GALNT11: variants seen among roughly 807,000 people sequenced by gnomAD.
The protein encoded by GALNT11 is UDP-GalNAc:polypeptide N-acetylgalactosaminyltransferase 11.
Under a neutral mutation model 72.7 loss-of-function variants are expected in GALNT11, and 47 were observed. The observed-to-expected ratio is 0.65, with a 90% CI of 0.51 to 0.82. The LOEUF is 0.82. Among genes scored for constraint, GALNT11 ranks in the 40% least tolerant of loss-of-function variants. The pLI is 0.00. For missense variants in GALNT11, 677 were observed against 778.4 expected (o/e 0.87, Z 1.55); for synonymous variants, 270 against 286.6 (o/e 0.94, Z 0.58).
intron 7 of GALNT11, 22 bp downstream of exon 7, chr7:152,110,667 CAATT>C (rs767088784): frequency 1.8e-5 from 25 of 1,385,386 alleles, no homozygotes; most frequent in Admixed American, 3.5e-5. Context: ...TTTGCATGCT[CAATT>C]AATAACTGTG....
At chr7:152,050,169 C>T (rs1246718624) in intron 1 of GALNT11, among the ~76,000 whole-genome samples, 1 of 152,030 alleles carries the variant, frequency 6.6e-6, no homozygotes, top group East Asian at 1.9e-4. Context: ...CTCCTTTTCT[C>T]AAGCAGAAGT....
At chr7:152,032,792 A>G (rs970265383) in intron 1 of GALNT11, among the ~76,000 whole-genome samples, 1 of 152,194 alleles carries the variant, frequency 6.6e-6, no homozygotes, top group African/African-American at 2.4e-5. Flanking sequence ...ATTCATGTAG[A>G]TAATAGCTCC....
chr7:152,061,643 A>T (rs2084024284), intron 1 of GALNT11, among the ~76,000 whole-genome samples: 1 of 152,134 alleles, frequency 6.6e-6, no homozygotes, highest in African/African-American at 2.4e-5. Context: ...TCTTGAATTA[A>T]TTTTTGTATA....
chr7:152,074,681 G>A (rs756009283), intron 1 of GALNT11, among the ~76,000 whole-genome samples: 2 of 152,152 alleles, frequency 1.3e-5, no homozygotes, highest in African/African-American at 2.4e-5. Context: ...GGGAGTTCTG[G>A]AATCTGGTTA....
intron 1 of GALNT11, among the ~76,000 whole-genome samples, chr7:152,035,806 C>T (rs1412567167): frequency 6.6e-6 from 1 of 152,186 alleles, no homozygotes; most frequent in African/African-American, 2.4e-5. Flanking sequence ...TGAAAGGGGT[C>T]AGATGGTACT....
chr7:152,066,523 G>A (rs2084321760), intron 1 of GALNT11, among the ~76,000 whole-genome samples: 1 of 152,180 alleles, frequency 6.6e-6, no homozygotes, highest in Non-Finnish European at 1.5e-5. Context: ...CCCGTCTTCT[G>A]CGTCACTCAC....
At chr7:152,084,490 T>A (rs941249809) in intron 1 of GALNT11, among the ~76,000 whole-genome samples, 2 of 152,210 alleles carry the variant, frequency 1.3e-5, no homozygotes, top group African/African-American at 4.8e-5. Flanking sequence ...TCAAATTTAT[T>A]GTTAAGAAAT....
chr7:152,049,745 G>C (rs1026233038), intron 1 of GALNT11, among the ~76,000 whole-genome samples: 1 of 152,118 alleles, frequency 6.6e-6, no homozygotes, highest in Non-Finnish European at 1.5e-5. Context: ...AGGTCCAGTG[G>C]TGCCATCCTG....
At chr7:152,030,267 C>T (rs2082244470) in intron 1 of GALNT11, among the ~76,000 whole-genome samples, 1 of 152,136 alleles carries the variant, frequency 6.6e-6, no homozygotes, top group Admixed American at 6.5e-5. Flanking sequence ...TCACGGGACG[C>T]TGGTGTTACC....
chr7:152,033,490 T>G (rs1030513849), intron 1 of GALNT11, among the ~76,000 whole-genome samples: 2 of 152,236 alleles, frequency 1.3e-5, no homozygotes, highest in Non-Finnish European at 2.9e-5. Context: ...CAGGGCTTGC[T>G]TTTGGAGCTT....
Position 152,094,174 on chromosome 7 carries a change from T to C in GALNT11, c.-38-16T>C, listed in dbSNP as rs2086224300. On this transcript the variant is annotated splice_polypyrimidine_tract_variant and intron_variant, in intron 1 of 11. Coordinates refer to ENST00000430044, the MANE Select transcript of GALNT11 (RefSeq NM_022087.4). The surrounding 1 kb of genome is among the most constrained non-coding windows in gnomAD (Gnocchi z 4.3). Reference sequence around the variant, plus strand: ...AGTATACTGAAGTGTCTAACATATTTATTCTTCTTTTTTAGGAAATTGACA... The same window carrying C: ...AGTATACTGAAGTGTCTAACATATTCATTCTTCTTTTTTAGGAAATTGACA... The C allele has an allele frequency of 6.6e-7, 1 of 1,522,526 alleles. No individual in the cohort carries two copies. The highest frequency in any genetic ancestry group is 8.8e-7 in the Non-Finnish European group (1 of 1,134,548). The allele number at this position is 1,522,526 out of a possible 1,614,324, so 94.3% of individuals were successfully genotyped here.
intron 1 of GALNT11, among the ~76,000 whole-genome samples, chr7:152,086,372 G>A (rs1376302160): frequency 6.6e-6 from 1 of 152,016 alleles, no homozygotes; most frequent in Non-Finnish European, 1.5e-5. Flanking sequence ...TATTGCTTCT[G>A]AATACCATTA....
intron 3 of GALNT11, among the ~76,000 whole-genome samples, chr7:152,101,643 G>A (rs867093346): frequency 1.1e-5 from 1 of 94,054 alleles, no homozygotes; most frequent in Non-Finnish European, 1.9e-5. Context: ...GCTTTTTTTT[G>A]GGGGGGGGGG....
intron 1 of GALNT11, among the ~76,000 whole-genome samples, chr7:152,068,952 T>C (rs760173454): frequency 2.6e-5 from 4 of 152,190 alleles, no homozygotes; most frequent in Non-Finnish European, 4.4e-5. Context: ...GGGAGGCATA[T>C]TTCCCACAAG....
At chr7:152,103,485 A>T (rs1346773155) in intron 4 of GALNT11, 1 of 445,426 alleles carries the variant, frequency 2.2e-6, no homozygotes, top group Non-Finnish European at 3.9e-6. Flanking sequence ...TTGGGCCGTG[A>T]AATTTTTTCC....
At chr7:152,114,453 G>A (rs570112652) in intron 8 of GALNT11, among the ~76,000 whole-genome samples, 4 of 152,224 alleles carry the variant, frequency 2.6e-5, no homozygotes, top group African/African-American at 9.6e-5. Flanking sequence ...CATCCGTGCC[G>A]TTCCATGTAT....
intron 8 of GALNT11, among the ~76,000 whole-genome samples, chr7:152,114,552 G>A (rs778278472): frequency 6.7e-6 from 1 of 150,240 alleles, no homozygotes; most frequent in Non-Finnish European, 1.5e-5. Context: ...CAACATTTAG[G>A]TTGTTTCCAC....
intron 1 of GALNT11, among the ~76,000 whole-genome samples, chr7:152,067,965 G>A (rs930610233): frequency 6.6e-6 from 1 of 152,020 alleles, no homozygotes; most frequent in African/African-American, 2.4e-5. Context: ...GAGAGTGGTA[G>A]GGGAGGTGCC....
At chr7:152,041,555 G>T (rs565121306) in intron 1 of GALNT11, among the ~76,000 whole-genome samples, 3 of 152,242 alleles carry the variant, frequency 2.0e-5, no homozygotes, top group Non-Finnish European at 4.4e-5. Flanking sequence ...CTCTTGGACA[G>T]TAACACCAGT....
Sources: allele counts gnomAD v4.1 joint callset (sites outside exome capture counted in the v4.1 genomes callset), GRCh38; gene constraint gnomAD v4.1.1; non-coding constraint Gnocchi (gnomAD v3.1); transcripts MANE v1.5; gene names NCBI Gene and HGNC (gene_info 2026-07-23, HGNC 2026-07-21).